The following KCNN3 variants were observed in gnomAD, a reference collection of about 807,000 sequenced individuals.
KCNN3 encodes the protein small conductance calcium-activated potassium channel protein 3.
In KCNN3, 16 loss-of-function variants were observed where a neutral mutation model predicts 62.9. The ratio of observed to expected loss-of-function variants is 0.25; its 90% CI spans 0.17 to 0.39. The LOEUF (loss-of-function observed/expected upper bound fraction) is 0.39. Ranked by LOEUF, KCNN3 falls within the 10% of genes least tolerant of loss-of-function variation. KCNN3 has a pLI of 1.00. For synonymous variants in KCNN3, 370 were observed against 389.2 expected (o/e 0.95, Z 0.58); for missense variants, 599 against 949.4 (o/e 0.63, Z 4.85).
chr1:154,703,830 C>T lies in KCNN3; in HGVS notation c.*4146G>A, dbSNP rs1409443560. On this transcript the variant is annotated 3_prime_UTR_variant, in exon 8 of 8. Coordinates refer to ENST00000271915, the MANE Select transcript of KCNN3 (RefSeq NM_002249.6). ...GTGATCTAGATACAGTCAGTCTGGGCTGCTGTTGATGACAAAGGTGATTTC... is the reference window on the plus strand; with the variant it reads ...GTGATCTAGATACAGTCAGTCTGGGTTGCTGTTGATGACAAAGGTGATTTC... 6.6e-6 allele frequency: 1 copy of T among 152,200 alleles called. No homozygotes were observed. Among genetic ancestry groups the T allele is most frequent in the Non-Finnish European group, 1.5e-5 (1 of 68,038 alleles). The allele number at this position is 152,200 out of a possible 1,614,324, so 9.4% of individuals were successfully genotyped here.
intron 2 of KCNN3, among the ~76,000 whole-genome samples, chr1:154,814,009 A>G (rs1213907528): frequency 6.6e-6 from 1 of 152,246 alleles, no homozygotes; most frequent in Non-Finnish European, 1.5e-5. Context: ...AACCATGGCA[A>G]TCCATGGCCA....
intron 2 of KCNN3, among the ~76,000 whole-genome samples, chr1:154,773,010 T>G (rs1330837848): frequency 6.6e-6 from 1 of 152,186 alleles, no homozygotes; most frequent in Non-Finnish European, 1.5e-5. Flanking sequence ...TTTTGTTTTG[T>G]TTTTTTAACT....
chr1:154,755,168 C>T (rs1331447430), intron 3 of KCNN3, among the ~76,000 whole-genome samples: 1 of 152,148 alleles, frequency 6.6e-6, no homozygotes, highest in Non-Finnish European at 1.5e-5. Flanking sequence ...TATTACTCTC[C>T]TATTTAAAAC....
chr1:154,802,304 C>G (rs1040913786), intron 2 of KCNN3, among the ~76,000 whole-genome samples: 5 of 152,194 alleles, frequency 3.3e-5, no homozygotes, highest in Admixed American at 6.5e-5. Context: ...CTGAGCTTCT[C>G]AGTATGAGCA....
chr1:154,868,937 A>AAT, intron 1 of KCNN3, 95 bp downstream of exon 1: 1 of 952,126 alleles, frequency 1.1e-6, no homozygotes, highest in African/African-American at 3.0e-5. Flanking sequence ...TCTCTCTCTC[A>AAT]ATCTCTCTCT....
At chr1:154,731,391 A>C (rs747222729) in intron 4 of KCNN3, among the ~76,000 whole-genome samples, 7 of 152,232 alleles carry the variant, frequency 4.6e-5, no homozygotes, top group Non-Finnish European at 8.8e-5. Flanking sequence ...CCTGCCTGCT[A>C]ATAGGGACCT....
chr1:154,714,923 A>G lies in KCNN3; in HGVS notation c.1782T>C (p.His594=), dbSNP rs759048436. 17 of 1,613,592 alleles carry G rather than the reference A, an allele frequency of 1.1e-5. No individual in the cohort carries two copies. Among genetic ancestry groups the G allele is most frequent in the African/African-American group, 1.3e-5 (1 of 74,844 alleles). Residue 594 remains histidine, a synonymous_variant, in exon 6 of 8, where the codon CAT becomes CAC. Coordinates refer to ENST00000271915, the MANE Select transcript of KCNN3 (RefSeq NM_002249.6). ...KHTKLLKKID[H]AKVRKHQRKF... Reference sequence around the variant, plus strand: ...TCCTCTGGTGTTTCCTCACTTTGGCATGGTCAATCTTCTTTAGCAGCTTTG... The same window carrying G: ...TCCTCTGGTGTTTCCTCACTTTGGCGTGGTCAATCTTCTTTAGCAGCTTTG...
At chr1:154,750,181 C>T (rs1422446415) in intron 3 of KCNN3, among the ~76,000 whole-genome samples, 1 of 152,220 alleles carries the variant, frequency 6.6e-6, no homozygotes, top group Admixed American at 6.5e-5. Flanking sequence ...CAGTCGCACA[C>T]ACTTTTCCCT....
chr1:154,790,191 A>G (rs1339534326), intron 2 of KCNN3, among the ~76,000 whole-genome samples: 1 of 152,184 alleles, frequency 6.6e-6, no homozygotes, highest in African/African-American at 2.4e-5. Context: ...TCGGCCTCCC[A>G]AAGTGCTGGG....
chr1:154,737,618 A>G (rs1451237531), intron 3 of KCNN3, among the ~76,000 whole-genome samples: 3 of 152,190 alleles, frequency 2.0e-5, no homozygotes, highest in Admixed American at 6.5e-5. Context: ...AAATCCTATA[A>G]TTAACGTAAG....
chr1:154,766,416 T>TTAAATATATATATATATATATATATATA (rs1553231995), intron 3 of KCNN3, among the ~76,000 whole-genome samples: 1,606 of 71,676 alleles, frequency 0.022, 174 homozygotes, highest in South Asian at 0.042. Flanking sequence ...TAGCCAGGCT[T>TTAAATATATATATATATATATATATATA]TATATATATA....
rs1253799082 is a variant in KCNN3 at position 154,772,921 on chromosome 1, G to C, written c.1030-528C>G. Among the ~76,000 whole-genome samples, 11 of 152,112 alleles carry C rather than the reference G, an allele frequency of 7.2e-5. No individual in the cohort carries two copies. ...GAGAAGGAAGAGGGGCCCGAAGGTT[G>C]AGTTGATCACCAATGGCCAATGATG... On this transcript the variant is annotated intron_variant, in intron 2 of 7. Transcript: ENST00000271915. This position sits in a 1 kb window ranked among gnomAD's most constrained non-coding sequence, Gnocchi z 5.6.
intron 1 of KCNN3, among the ~76,000 whole-genome samples, chr1:154,828,360 TAGG>T (rs1651225648): frequency 6.6e-6 from 1 of 151,824 alleles, no homozygotes; most frequent in African/African-American, 2.4e-5. Flanking sequence ...TTTTTTTTCT[TAGG>T]AGTTTTCTTT....
At chr1:154,775,853 C>T (rs1291675340) in intron 2 of KCNN3, among the ~76,000 whole-genome samples, 1 of 152,230 alleles carries the variant, frequency 6.6e-6, no homozygotes, top group Non-Finnish European at 1.5e-5. Context: ...GCCATGGCAA[C>T]GTGACTGCCT....
intron 3 of KCNN3, among the ~76,000 whole-genome samples, chr1:154,756,268 A>G (rs1424723950): frequency 1.3e-5 from 2 of 151,516 alleles, no homozygotes; most frequent in Non-Finnish European, 2.9e-5. Context: ...AAAGAAGAAG[A>G]AGACGACGAC....
intron 2 of KCNN3, among the ~76,000 whole-genome samples, chr1:154,813,610 C>T (rs2101886494): frequency 6.6e-6 from 1 of 152,294 alleles, no homozygotes; most frequent in Non-Finnish European, 1.5e-5. Context: ...TCCTGGAGGA[C>T]TTGGCAAGAG....
At chr1:154,841,521 C>T (rs6688571) in intron 1 of KCNN3, among the ~76,000 whole-genome samples, 1 of 152,130 alleles carries the variant, frequency 6.6e-6, no homozygotes, top group Admixed American at 6.5e-5. Flanking sequence ...AGGCACTGTT[C>T]GTACCTGTTT....
Position 154,858,577 on chromosome 1 carries a change from C to T in KCNN3, c.933+10455G>A, listed in dbSNP as rs371567320. On this transcript the variant is annotated intron_variant, in intron 1 of 7. Transcript: ENST00000271915. ...GCACAGATTCTCTGCACTCCTGCCG[C>T]CTGGAGCAGGGCTTGCCACACAGTG... 1.1e-4 allele frequency among the ~76,000 whole-genome samples: 16 copies of T among 152,128 alleles called. 1 individual carries two copies. Among genetic ancestry groups the T allele is most frequent in the African/African-American group, 2.2e-4 (9 of 41,406 alleles).
chr1:154,869,268 G>A lies in KCNN3; in HGVS notation c.697C>T (p.Leu233=). The A allele has an allele frequency of 1.2e-6, 2 of 1,613,988 alleles. No homozygotes were observed. The highest frequency in any genetic ancestry group is 1.6e-4 in the Middle Eastern group (1 of 6,062). ...TGGGTGGCATTAGGGTGATGGAGCA[G>A]GGTCTGGTGGGCATGGTTGTCCTCC... ...SREDNHAHQT[L]LHHPNATHNH... The change falls in exon 1 of 8, where the codon CTG becomes TTG. Residue 233 remains leucine (L), a synonymous_variant. Transcript: ENST00000271915. This position sits in a 1 kb window ranked among gnomAD's most constrained non-coding sequence, Gnocchi z 6.1.
Sources: allele counts gnomAD v4.1 joint callset (sites outside exome capture counted in the v4.1 genomes callset), GRCh38; gene constraint gnomAD v4.1.1; non-coding constraint Gnocchi (gnomAD v3.1); transcripts MANE v1.5; gene names NCBI Gene and HGNC (gene_info 2026-07-23, HGNC 2026-07-21).